Variants in CTBP2 observed in about 807,000 individuals in gnomAD.
CTBP2 encodes the protein C-terminal-binding protein 2.
A neutral mutation model predicts 80.3 loss-of-function variants in CTBP2; 30 were observed. The observed-to-expected ratio is 0.37, with a 90% CI of 0.28 to 0.51. The LOEUF (loss-of-function observed/expected upper bound fraction) is 0.51. Among genes scored for constraint, CTBP2 ranks in the 20% least tolerant of loss-of-function variants. The pLI is 0.93. For synonymous variants in CTBP2, 594 were observed against 587.4 expected (o/e 1.01, Z -0.16); for missense variants, 1,212 against 1,375.3 (o/e 0.88, Z 1.88).
intron 1 of CTBP2, among the ~76,000 whole-genome samples, chr10:125,154,806 C>T (rs1032533655): frequency 3.9e-5 from 6 of 152,218 alleles, no homozygotes; most frequent in African/African-American, 9.6e-5. Context: ...TCGGCTCCCA[C>T]GTGGAAGGAG....
At chr10:125,151,024 G>A (rs1859751102) in intron 1 of CTBP2, among the ~76,000 whole-genome samples, 1 of 151,858 alleles carries the variant, frequency 6.6e-6, no homozygotes, top group South Asian at 2.1e-4. Flanking sequence ...TTTTACCAAT[G>A]AAGAGTCAGG....
rs370228605 is a variant in CTBP2, at chr10:125,026,929, C to G, written c.831G>C (p.Leu277=). The G allele has an allele frequency of 5.6e-6, 9 of 1,613,954 alleles. No homozygotes were observed. The African/African-American group carries it at 1.2e-4, about 22-fold the overall frequency. The change falls in exon 1 of 9, where the codon CTG becomes CTC. Residue 277 remains leucine, a synonymous_variant. Coordinates refer to ENST00000309035, the MANE Select transcript of CTBP2 (RefSeq NM_022802.3). ...TGCCACCAGGACCCTGGAAGGTGGACAGGTCAGCTTCGTAAGTCTCGTAAG... is the reference window on the plus strand; with the variant it reads ...TGCCACCAGGACCCTGGAAGGTGGAGAGGTCAGCTTCGTAAGTCTCGTAAG...
chr10:125,038,961 C>T (rs903385601), intron 3 of CTBP2, 36 bp downstream of exon 3: 46 of 1,605,620 alleles, frequency 2.9e-5, no homozygotes, highest in Admixed American at 5.1e-5. Flanking sequence ...TGAGGGACTA[C>T]GTATGTTTGG....
At chr10:125,037,936 T>C (rs1213988435) in intron 3 of CTBP2, among the ~76,000 whole-genome samples, 1 of 152,238 alleles carries the variant, frequency 6.6e-6, no homozygotes, top group African/African-American at 2.4e-5. Flanking sequence ...CTGAATGGAA[T>C]ATTGGTGTTC....
At chr10:125,115,534 T>G (rs1853104137) in intron 1 of CTBP2, among the ~76,000 whole-genome samples, 1 of 152,142 alleles carries the variant, frequency 6.6e-6, no homozygotes, top group Non-Finnish European at 1.5e-5. Context: ...TCACAGGTGG[T>G]CAGGCCCTTT....
chr10:125,038,951 T>G (rs1392163550), intron 3 of CTBP2, 46 bp downstream of exon 3: 1 of 1,591,140 alleles, frequency 6.3e-7, no homozygotes, highest in Admixed American at 1.7e-5. Context: ...AAGATTTGAG[T>G]GAGGGACTAC....
intron 1 of CTBP2, among the ~76,000 whole-genome samples, chr10:125,128,877 C>A (rs1453965535): frequency 1.3e-5 from 2 of 152,118 alleles, no homozygotes; most frequent in African/African-American, 4.8e-5. Flanking sequence ...CTCAGAATAG[C>A]GAAAAGCTGG....
chr10:125,023,033 C>T (rs990843149), intron 1 of CTBP2, among the ~76,000 whole-genome samples: 9 of 152,162 alleles, frequency 5.9e-5, no homozygotes, highest in South Asian at 2.1e-4. Flanking sequence ...CGAGGCCACA[C>T]GAAAAGAAGC....
chr10:125,135,163 C>T (rs1408773348), intron 1 of CTBP2, among the ~76,000 whole-genome samples: 1 of 152,216 alleles, frequency 6.6e-6, no homozygotes, highest in South Asian at 2.1e-4. Context: ...AACCAAGTCC[C>T]CAGTCTCTCC....
chr10:125,131,755 C>T (rs1856228897), intron 1 of CTBP2, among the ~76,000 whole-genome samples: 1 of 152,214 alleles, frequency 6.6e-6, no homozygotes, highest in South Asian at 2.1e-4. Flanking sequence ...ACTCAGAATC[C>T]TCCCCTAGCA....
chr10:125,124,512 T>TA (rs1854895614), intron 1 of CTBP2, among the ~76,000 whole-genome samples: 1 of 152,178 alleles, frequency 6.6e-6, no homozygotes, highest in African/African-American at 2.4e-5. Context: ...CGTGTATAGA[T>TA]AAAAAATAAG....
At chr10:125,136,796 C>A (rs2136186903) in intron 1 of CTBP2, among the ~76,000 whole-genome samples, 1 of 152,298 alleles carries the variant, frequency 6.6e-6, no homozygotes, top group East Asian at 1.9e-4. Context: ...GCCTATTAGT[C>A]CCCCCAAAAC....
intron 2 of CTBP2, among the ~76,000 whole-genome samples, chr10:125,098,690 G>C (rs866610899): frequency 2.9e-3 from 380 of 130,960 alleles, no homozygotes; most frequent in African/African-American, 4.4e-3. Context: ...GAGAGAGAGA[G>C]AGAGAGAGAG....
chr10:125,010,913 T>C (rs1025214936), intron 1 of CTBP2, among the ~76,000 whole-genome samples: 1 of 152,198 alleles, frequency 6.6e-6, no homozygotes, highest in Non-Finnish European at 1.5e-5. Flanking sequence ...GCTCACAATC[T>C]GCAGCATATT....
At chr10:125,070,485 A>G (rs974903361) in intron 2 of CTBP2, among the ~76,000 whole-genome samples, 2 of 151,866 alleles carry the variant, frequency 1.3e-5, no homozygotes, top group Non-Finnish European at 2.9e-5. Flanking sequence ...TGAGTCCAGA[A>G]ACTACAGACT....
chr10:125,119,836 G>T (rs1342053893), intron 1 of CTBP2, among the ~76,000 whole-genome samples: 2 of 152,196 alleles, frequency 1.3e-5, no homozygotes, highest in African/African-American at 4.8e-5. Flanking sequence ...GCTCCTGTCA[G>T]GAGGGCTCTG....
intron 1 of CTBP2, among the ~76,000 whole-genome samples, chr10:125,126,924 TTC>T (rs67378138): frequency 0.01 from 1,436 of 137,352 alleles, 11 homozygotes; most frequent in African/African-American, 0.026. Context: ...CACACACACA[TTC>T]TCTCTCTCTC....
Position 124,992,765 on chromosome 10 carries a change from CAAA to C in CTBP2, c.2704_2706del (p.Phe902del). 1 of 1,610,932 alleles carries C rather than the reference CAAA, an allele frequency of 6.2e-7. No individual in the cohort carries two copies. ...ATTACTGACCAAGGCGCTGATGTGA[CAAA>C]GAATTCCTTGTTCACACAATTTCTT... On this transcript the variant is annotated inframe_deletion, in exon 8 of 9. Coordinates refer to ENST00000309035, the MANE Select transcript of CTBP2 (RefSeq NM_022802.3).
chr10:125,145,158 G>C (rs369284212), intron 1 of CTBP2, among the ~76,000 whole-genome samples: 15 of 152,308 alleles, frequency 9.8e-5, no homozygotes, highest in Middle Eastern at 3.4e-3. Flanking sequence ...AACTAGACTC[G>C]AGTGTGTGGG....
Sources: allele counts gnomAD v4.1 joint callset (sites outside exome capture counted in the v4.1 genomes callset), GRCh38; gene constraint gnomAD v4.1.1; transcripts MANE v1.5; gene names NCBI Gene and HGNC (gene_info 2026-07-23, HGNC 2026-07-21).